Variants in PATL2 observed in about 807,000 individuals in gnomAD.
PATL2 encodes the protein PAT1 homolog 2.
A neutral mutation model predicts 77.0 loss-of-function variants in PATL2; 73 were observed. The ratio of observed to expected loss-of-function variants is 0.95; its 90% confidence interval spans 0.78 to 1.15. PATL2 has a LOEUF of 1.15. Among genes scored for constraint, PATL2 ranks in the 50% most tolerant of loss-of-function variants. PATL2 has a pLI of 0.00. For missense variants in PATL2, 618 were observed against 655.4 expected (o/e 0.94, Z 0.62); for synonymous variants, 265 against 257.1 (o/e 1.03, Z -0.29).
intron 3 of PATL2, among the ~76,000 whole-genome samples, chr15:44,705,437 C>A (rs902882356): frequency 1.3e-5 from 2 of 152,174 alleles, no homozygotes; most frequent in Admixed American, 6.5e-5. Flanking sequence ...ACCTTGGCCT[C>A]CCAAAGTGCT....
intron 3 of PATL2, among the ~76,000 whole-genome samples, chr15:44,695,015 G>T (rs1272631829): frequency 6.6e-6 from 1 of 151,964 alleles, no homozygotes; most frequent in Admixed American, 6.6e-5. Flanking sequence ...GTGAAACCCG[G>T]TCTCTACTAA....
At chr15:44,692,913 T>C (rs1055373729) in intron 3 of PATL2, among the ~76,000 whole-genome samples, 9 of 152,180 alleles carry the variant, frequency 5.9e-5, no homozygotes, top group African/African-American at 2.2e-4. Flanking sequence ...CCCACATCAC[T>C]GGGGCTAACT....
chr15:44,683,842 G>C (rs1487799445), intron 3 of PATL2, among the ~76,000 whole-genome samples: 1 of 152,154 alleles, frequency 6.6e-6, no homozygotes, highest in African/African-American at 2.4e-5. Context: ...TCATACAGGA[G>C]AGCTCCGGCT....
chr15:44,671,550 A>T (rs1004966426), intron 9 of PATL2, among the ~76,000 whole-genome samples: 6 of 152,176 alleles, frequency 3.9e-5, no homozygotes, highest in African/African-American at 2.4e-5. Context: ...GTGGATAAAG[A>T]CTTGCCCCAT....
Position 44,709,534 on chromosome 15 carries a change from T to TA in PATL2, c.-76+561dup, listed in dbSNP as rs77359234. ...CTGTCTCCACAAAAATATTAAAAATTAAAAAAAAAAGAAATTGTCATGTTT... is the reference window on the plus strand; with the variant it reads ...CTGTCTCCACAAAAATATTAAAAATTAAAAAAAAAAAGAAATTGTCATGTTT... On this transcript the variant is annotated intron_variant, in intron 3 of 17. Coordinates refer to ENST00000682850, the MANE Select transcript of PATL2 (RefSeq NM_001387263.1). Among the ~76,000 whole-genome samples, 223 of 148,556 alleles carry TA rather than the reference T, an allele frequency of 1.5e-3. 1 individual carries two copies. The highest frequency in any genetic ancestry group is 4.4e-3 in the African/African-American group (177 of 40,462).
chr15:44,680,291 G>C (rs1319250517), intron 3 of PATL2, among the ~76,000 whole-genome samples: 1 of 152,128 alleles, frequency 6.6e-6, no homozygotes. Context: ...ATTTGTCCTT[G>C]TTTAGCTGCC....
At chr15:44,697,473 A>G (rs1040129269) in intron 3 of PATL2, 38 of 152,204 alleles carry the variant, frequency 2.5e-4, no homozygotes, top group African/African-American at 8.4e-4. Context: ...CCAATTTTCC[A>G]TCATGTGCAT....
intron 3 of PATL2, among the ~76,000 whole-genome samples, chr15:44,687,040 C>T (rs1159668456): frequency 2.0e-5 from 3 of 152,208 alleles, no homozygotes; most frequent in Non-Finnish European, 2.9e-5. Flanking sequence ...GGTAATCCTC[C>T]CTAACTCATT....
intron 5 of PATL2, 119 bp downstream of exon 5, chr15:44,675,367 G>A (rs1348067298): frequency 8.6e-7 from 1 of 1,162,104 alleles, no homozygotes; most frequent in Non-Finnish European, 1.2e-6. Context: ...TAAAAAGAAA[G>A]TGTTAATCCA....
intron 3 of PATL2, among the ~76,000 whole-genome samples, chr15:44,704,051 C>T (rs752539934): frequency 2.8e-4 from 42 of 151,576 alleles, no homozygotes; most frequent in Admixed American, 3.9e-4. Context: ...TGCAGTGGTG[C>T]GATCTTGGCT....
At chr15:44,667,709 G>A (rs546461210) in intron 15 of PATL2, among the ~76,000 whole-genome samples, 1 of 152,182 alleles carries the variant, frequency 6.6e-6, no homozygotes, top group South Asian at 2.1e-4. Flanking sequence ...TTGGGAGGCC[G>A]AGGCAGGCGA....
At chr15:44,675,725 G>A (rs2085921868) in intron 4 of PATL2, 34 bp from the exon 5 acceptor site, 7 of 1,514,808 alleles carry the variant, frequency 4.6e-6, no homozygotes, top group Non-Finnish European at 6.2e-6. Flanking sequence ...GAGAAGGTAA[G>A]ATGGGGCTCA....
chr15:44,684,392 A>G (rs1322110772), intron 3 of PATL2, among the ~76,000 whole-genome samples: 1 of 152,010 alleles, frequency 6.6e-6, no homozygotes, highest in African/African-American at 2.4e-5. Context: ...TAGTTTAGAG[A>G]AGAACATAAA....
At chr15:44,679,409 G>A (rs2086077110) in intron 3 of PATL2, among the ~76,000 whole-genome samples, 1 of 151,918 alleles carries the variant, frequency 6.6e-6, no homozygotes, top group African/African-American at 2.4e-5. Context: ...TGTATTTTTA[G>A]TATAGAAGGG....
chr15:44,684,297 C>G (rs1273022030), intron 3 of PATL2, among the ~76,000 whole-genome samples: 3 of 151,738 alleles, frequency 2.0e-5, no homozygotes, highest in Admixed American at 2.0e-4. Flanking sequence ...ACAAACTGCT[C>G]CAAGCTAAAG....
chr15:44,692,412 C>CA (rs1470351835), intron 3 of PATL2, among the ~76,000 whole-genome samples: 1 of 152,098 alleles, frequency 6.6e-6, no homozygotes, highest in African/African-American at 2.4e-5. Context: ...ACAACAACAA[C>CA]AAAAAAACCA....
chr15:44,666,971 C>T, intron 16 of PATL2, 135 bp downstream of exon 16: 1 of 714,350 alleles, frequency 1.4e-6, no homozygotes, highest in Non-Finnish European at 2.4e-6. Flanking sequence ...AGCAGAACAG[C>T]TACAACACTG....
chr15:44,695,798 C>T (rs1382232971), intron 3 of PATL2, among the ~76,000 whole-genome samples: 1 of 152,212 alleles, frequency 6.6e-6, no homozygotes, highest in Non-Finnish European at 1.5e-5. Flanking sequence ...ACACATCTCT[C>T]ACCATTTTGT....
rs1190085155 is a variant in PATL2, at chr15:44,669,995, G to A, written c.750C>T (p.Tyr250=). 2 of 1,549,464 alleles carry A rather than the reference G, an allele frequency of 1.3e-6. No homozygotes were observed. Among genetic ancestry groups the A allele is most frequent in the Non-Finnish European group, 8.7e-7 (1 of 1,146,132 alleles). ...ACTCATAAGCCTCTGCCTTCGGAATGTAAGGCGTTACCAGCTTGAGGGACT... is the reference window on the plus strand; with the variant it reads ...ACTCATAAGCCTCTGCCTTCGGAATATAAGGCGTTACCAGCTTGAGGGACT... The part of the protein sequence containing the change: ...RVESLKLVTP[Y]IPKAEAYESV... The change falls in exon 10 of 18, where the codon TAC becomes TAT. Residue 250 remains tyrosine (Y), a synonymous_variant. Transcript: ENST00000682850.
Sources: allele counts gnomAD v4.1 joint callset (sites outside exome capture counted in the v4.1 genomes callset), GRCh38; gene constraint gnomAD v4.1.1; transcripts MANE v1.5; gene names NCBI Gene and HGNC (gene_info 2026-07-23, HGNC 2026-07-21).